EML1: variants seen among roughly 807,000 people sequenced by gnomAD.
The protein encoded by EML1 is echinoderm microtubule-associated protein-like 1.
A neutral mutation model predicts 110.4 loss-of-function variants in EML1; 27 were observed. The observed-to-expected ratio is 0.24, with a 90% CI of 0.18 to 0.34. The LOEUF is 0.34. Among genes scored for constraint, EML1 ranks in the 10% least tolerant of loss-of-function variants. The probability of loss-of-function intolerance (pLI) is 1.00; values close to 1 mark genes in which losing one functional copy is unlikely to be tolerated. For synonymous variants in EML1, 344 were observed against 385.8 expected (o/e 0.89, Z 1.27); for missense variants, 741 against 1,030.9 (o/e 0.72, Z 3.85).
At chr14:99,924,488 AT>A (rs1555405404) in intron 17 of EML1, among the ~76,000 whole-genome samples, 2 of 152,232 alleles carry the variant, frequency 1.3e-5, no homozygotes, top group Non-Finnish European at 2.9e-5. Context: ...ATTAATGACA[AT>A]AATAATAAAG....
chr14:99,852,928 A>C (rs1316421573), intron 2 of EML1, among the ~76,000 whole-genome samples: 3 of 152,214 alleles, frequency 2.0e-5, no homozygotes, highest in African/African-American at 4.8e-5. Flanking sequence ...TTAAATAGAA[A>C]CCGCATTATT....
intron 1 of EML1, among the ~76,000 whole-genome samples, chr14:99,744,956 A>T (rs904078885): frequency 6.6e-6 from 1 of 152,196 alleles, no homozygotes; most frequent in African/African-American, 2.4e-5. Flanking sequence ...TACTGGGGGA[A>T]ATGATGAGAA....
intron 1 of EML1, among the ~76,000 whole-genome samples, chr14:99,757,244 CAGG>C (rs1055360840): frequency 4.0e-5 from 6 of 150,968 alleles, no homozygotes; most frequent in African/African-American, 1.5e-4. Flanking sequence ...GAGGCTGAGA[CAGG>C]AGAATCACTT....
chr14:99,901,768 C>G (rs1422813526), intron 9 of EML1, among the ~76,000 whole-genome samples: 1 of 152,132 alleles, frequency 6.6e-6, no homozygotes, highest in Non-Finnish European at 1.5e-5. Context: ...TTACTGCAAG[C>G]GGTTATATCA....
At chr14:99,864,831 A>T (rs528051516) in intron 2 of EML1, among the ~76,000 whole-genome samples, 1 of 150,678 alleles carries the variant, frequency 6.6e-6, no homozygotes, top group East Asian at 1.9e-4. Flanking sequence ...AAAAGAAAAG[A>T]TGATCCTTTC....
intron 17 of EML1, among the ~76,000 whole-genome samples, chr14:99,932,778 T>C (rs2060395844): frequency 6.6e-6 from 1 of 152,100 alleles, no homozygotes; most frequent in Non-Finnish European, 1.5e-5. Flanking sequence ...ACATGACTTT[T>C]TTCCTTAAAT....
In EML1 at chr14:99,898,157, C is replaced by G. The variant is rs1024530676; in HGVS notation, c.828-76C>G. 151 of 1,245,932 alleles carry G rather than the reference C, an allele frequency of 1.2e-4. 1 individual carries two copies. The highest frequency in any genetic ancestry group is 3.1e-5 in the Non-Finnish European group (29 of 921,402). 77.2% of individuals were successfully genotyped at this position (1,245,932 alleles called of 1,614,324 possible). On this transcript the variant is annotated intron_variant, in intron 7 of 21. Transcript: ENST00000262233. Reference sequence around the variant, plus strand: ...ATATTTCTTATATTTAAATTTTTGACTAGATTATATTTGAGCAAGGGAAAA... The same window carrying G: ...ATATTTCTTATATTTAAATTTTTGAGTAGATTATATTTGAGCAAGGGAAAA...
intron 1 of EML1, among the ~76,000 whole-genome samples, chr14:99,842,291 A>G (rs1213290753): frequency 6.6e-6 from 1 of 152,210 alleles, no homozygotes; most frequent in African/African-American, 2.4e-5. Context: ...TTTGTTCTTC[A>G]TTATGCTAAT....
At position 99,793,537 on chromosome 14, in the gene EML1, T is replaced by A; in HGVS notation, c.61T>A (p.Cys21Ser). ...CGACACGTCCTCGCTGCTCCAGTTC[T>A]GCAACGGTGAGGGGCGGCCGCGCGG... ...LYDTSSLLQFCNDDSASAASS... is the reference protein window; with the variant it reads ...LYDTSSLLQFSNDDSASAASS... Residue 21 changes from cysteine to serine, a missense_variant, in exon 1 of 22, where the codon TGC becomes AGC. Coordinates refer to ENST00000262233, the MANE Select transcript of EML1 (RefSeq NM_004434.3). The A allele has an allele frequency of 9.7e-7, 1 of 1,032,862 alleles. No individual in the cohort carries two copies. Among genetic ancestry groups the A allele is most frequent in the Non-Finnish European group, 1.2e-6 (1 of 857,740 alleles). 64.0% of individuals were successfully genotyped at this position (1,032,862 alleles called of 1,614,324 possible). A position where few individuals can be genotyped will look rare whatever the true frequency, so the allele number is the denominator to read the frequency against.
At chr14:99,769,826 G>A (rs1286103689), upstream of EML1, among the ~76,000 whole-genome samples, 1 of 152,196 alleles carries the variant, frequency 6.6e-6, no homozygotes, top group African/African-American at 2.4e-5. Context: ...AGCACCAGCA[G>A]ATCCTCCTTA....
At position 99,737,861 on chromosome 14, in the gene EML1, G is replaced by T; in HGVS notation, c.28+1G>T. 2 of 1,289,250 alleles carry T rather than the reference G, an allele frequency of 1.6e-6. No individual in the cohort carries two copies. Among genetic ancestry groups the T allele is most frequent in the Non-Finnish European group, 2.0e-6 (2 of 988,610 alleles). The allele number at this position is 1,289,250 out of a possible 1,614,324, so 79.9% of individuals were successfully genotyped here. A position where few individuals can be genotyped will look rare whatever the true frequency, so the allele number is the denominator to read the frequency against. ...TCGGACGGCGAGGGCCCCTCCGCCG[G>T]TGAGTGGCAGCGCTATATTTACCCG... is the stretch of plus-strand genomic sequence containing the variant. On this transcript the variant is annotated splice_donor_variant, in intron 1 of 10. Transcript: ENST00000554479. LOFTEE classifies it high-confidence loss of function.
At chr14:99,800,260 G>T (rs937345894) in intron 1 of EML1, among the ~76,000 whole-genome samples, 2 of 152,146 alleles carry the variant, frequency 1.3e-5, no homozygotes, top group Non-Finnish European at 2.9e-5. Flanking sequence ...GAAGGTGTCA[G>T]CAGGAGCAAG....
chr14:99,882,528 A>G (rs564095329), intron 4 of EML1, among the ~76,000 whole-genome samples: 28 of 152,306 alleles, frequency 1.8e-4, no homozygotes, highest in Admixed American at 1.7e-3. Flanking sequence ...TTGTTGTCAC[A>G]TATGTATAAA....
intron 2 of EML1, among the ~76,000 whole-genome samples, 164 bp downstream of exon 2, chr14:99,851,199 A>G (rs2058792971): frequency 6.6e-6 from 1 of 152,158 alleles, no homozygotes; most frequent in South Asian, 2.1e-4. Context: ...GTATGATAGT[A>G]TTTTGGGGCT....
Position 99,828,254 on chromosome 14 carries a change from T to C in EML1, c.68-22599T>C, listed in dbSNP as rs138130452. On this transcript the variant is annotated intron_variant, in intron 1 of 21. Coordinates refer to ENST00000262233, the MANE Select transcript of EML1 (RefSeq NM_004434.3). Reference sequence around the variant, plus strand: ...CAGTCTGAGGATATTAAATGGAAAATTTCAGAAATAAGCAATTTCTAAGTT... The same window carrying C: ...CAGTCTGAGGATATTAAATGGAAAACTTCAGAAATAAGCAATTTCTAAGTT... Among the ~76,000 whole-genome samples, 716 of 152,306 alleles carry C rather than the reference T, an allele frequency of 4.7e-3. 7 individuals are homozygous for C. Among genetic ancestry groups the C allele is most frequent in the African/African-American group, 0.016 (681 of 41,570 alleles).
chr14:99,909,187 G>A (rs1324635196), intron 10 of EML1, 158 bp from the exon 11 acceptor site: 1 of 1,138,872 alleles, frequency 8.8e-7, no homozygotes, highest in Non-Finnish European at 1.3e-6. Context: ...GCATATGCTT[G>A]ATGTTTTTAG....
upstream of EML1, among the ~76,000 whole-genome samples, chr14:99,770,779 A>ATTTTTTTTTTTT (rs34744469): frequency 1.7e-4 from 16 of 91,632 alleles, 1 homozygote; most frequent in African/African-American, 4.5e-4. Flanking sequence ...GTTTCCGCTG[A>ATTTTTTTTTTTT]TTTTTTTTTT....
At chr14:99,766,956 C>G (rs2057374382) in intron 1 of EML1, among the ~76,000 whole-genome samples, 1 of 152,168 alleles carries the variant, frequency 6.6e-6, no homozygotes, top group South Asian at 2.1e-4. Context: ...TTTGAAAATG[C>G]AGCGTGTCCA....
At chr14:99,818,276 A>C (rs953490405) in intron 1 of EML1, among the ~76,000 whole-genome samples, 8 of 152,174 alleles carry the variant, frequency 5.3e-5, no homozygotes, top group Non-Finnish European at 1.2e-4. Flanking sequence ...ATGCGGAGTG[A>C]TGAGAGTGAT....
Sources: gnomAD v4.1 joint callset for allele counts (sites outside exome capture counted in the v4.1 genomes callset) on GRCh38, gnomAD v4.1.1 for gene constraint, MANE v1.5 for transcripts, NCBI Gene and HGNC (gene_info 2026-07-23, HGNC 2026-07-21) for gene names.